PREPL: variants seen among roughly 807,000 people sequenced by gnomAD.
PREPL encodes the protein prolyl endopeptidase-like.
In PREPL, 77 loss-of-function variants were observed where a neutral mutation model predicts 70.6. The observed-to-expected ratio is 1.09, with a 90% confidence interval of 0.91 to 1.32. PREPL has a LOEUF of 1.32. Ranked by LOEUF, PREPL falls within the 40% of genes most tolerant of loss-of-function variation. The pLI is 0.00. For missense variants in PREPL, 1,002 were observed against 778.2 expected (o/e 1.29, Z -3.42); for synonymous variants, 315 against 264.8 (o/e 1.19, Z -1.84).
intron 2 of PREPL, among the ~76,000 whole-genome samples, 199 bp downstream of exon 2, chr2:44,346,069 C>T (rs1025955234): frequency 6.6e-6 from 1 of 152,026 alleles, no homozygotes; most frequent in Non-Finnish European, 1.5e-5. Flanking sequence ...TCGATCTTTA[C>T]ATTTATTAAA....
At position 44,343,825 on chromosome 2, in the gene PREPL, G is replaced by A; in HGVS notation, c.269C>T (p.Ser90Phe). ...TATAATTACACAGGTAGATGCTTCA[G>A]AATCTTCAGTTCTTATCTTGGCAGC... ...YVAAKIRTEDSEASTCVIIKL... is the reference protein window; with the variant it reads ...YVAAKIRTEDFEASTCVIIKL... Residue 90 changes from serine to phenylalanine, a missense_variant, in exon 4 of 14, where the codon TCT becomes TTT. Transcript: ENST00000409411. 1 of 1,613,922 alleles carries A rather than the reference G, an allele frequency of 6.2e-7. No homozygotes were observed. The highest frequency in any genetic ancestry group is 8.5e-7 in the Non-Finnish European group (1 of 1,179,856).
rs1479604273 is a variant in PREPL at position 44,321,268 on chromosome 2, GTTA to G, written c.*85_*87del. 2.1e-5 allele frequency: 24 copies of G among 1,146,288 alleles called. No individual in the cohort carries two copies. In the South Asian group the frequency reaches 3.1e-4, roughly 15 times the overall value. 71.0% of individuals were successfully genotyped at this position (1,146,288 alleles called of 1,614,324 possible). On this transcript the variant is annotated 3_prime_UTR_variant, in exon 14 of 14. Transcript: ENST00000409411. ...AAAATTAATAACTTAAAAGTCTCAA[GTTA>G]TTAATTTTTTTTTTGCTAACTCAAT... is the stretch of plus-strand genomic sequence containing the variant.
rs17498312 is a variant in PREPL at position 44,344,710 on chromosome 2, G to A, written c.76-124C>T. On this transcript the variant is annotated intron_variant, in intron 2 of 13. Transcript: ENST00000409411. ...AACAGACCTGTTGAAGTATATGAATGAACACATATGAAATATAAAATTGAC... is the reference window on the plus strand; with the variant it reads ...AACAGACCTGTTGAAGTATATGAATAAACACATATGAAATATAAAATTGAC... 36,040 of 598,436 alleles carry A rather than the reference G, an allele frequency of 0.06. 1,312 individuals are homozygous for A. Among genetic ancestry groups the A allele is most frequent in the South Asian group, 0.13 (3,952 of 30,084 alleles). 37.1% of individuals were successfully genotyped at this position (598,436 alleles called of 1,614,324 possible).
rs749240482 is a variant in PREPL, at chr2:44,338,448, T to C, written c.791A>G (p.Asp264Gly). The C allele has an allele frequency of 8.1e-6, 13 of 1,613,018 alleles. No homozygotes were observed. The South Asian group carries it at 1.4e-4, about 18-fold the overall frequency. Residue 264 changes from aspartate to glycine, a missense_variant, in exon 7 of 14, where the codon GAC becomes GGC. Coordinates refer to ENST00000409411, the MANE Select transcript of PREPL (RefSeq NM_001171613.2). The stretch of plus-strand genomic sequence containing the variant: ...TAGAACACAGTGATCCTTAAACATG[T>C]CCAAGTCTATCACTTTTGTATTTCT... ...MKRNTKVIDLDMFKDHCVLFL... is the reference protein window; with the variant it reads ...MKRNTKVIDLGMFKDHCVLFL...
chr2:44,322,235 T>C (rs764600420), intron 12 of PREPL, among the ~76,000 whole-genome samples: 3 of 151,870 alleles, frequency 2.0e-5, no homozygotes, highest in Non-Finnish European at 4.4e-5. Flanking sequence ...GGGTGACAAA[T>C]GGAGATGAAT....
In PREPL at chr2:44,319,506, T is replaced by C. The variant is rs1328351294; in HGVS notation, c.*1850A>G. ...TGTCATTAAAAACATTTATGGAGGC[T>C]ATATTATATAGTCAATAACAGAAAA... is the stretch of plus-strand genomic sequence containing the variant. On this transcript the variant is annotated 3_prime_UTR_variant, in exon 14 of 14. Transcript: ENST00000409411. 1 of 152,244 alleles carries C rather than the reference T, an allele frequency of 6.6e-6. No homozygotes were observed. Among genetic ancestry groups the C allele is most frequent in the African/African-American group, 2.4e-5 (1 of 41,440 alleles). 9.4% of individuals were successfully genotyped at this position (152,244 alleles called of 1,614,324 possible).
chr2:44,355,608 G>C (rs1261372760), intron 1 of PREPL, among the ~76,000 whole-genome samples: 1 of 152,060 alleles, frequency 6.6e-6, no homozygotes, highest in Non-Finnish European at 1.5e-5. Context: ...TACTGACAAG[G>C]CTTCCTACTT....
intron 1 of PREPL, among the ~76,000 whole-genome samples, chr2:44,357,850 G>A (rs1194649927): frequency 1.3e-5 from 2 of 152,074 alleles, no homozygotes; most frequent in Non-Finnish European, 2.9e-5. Flanking sequence ...AAGTAGGAAA[G>A]ATGTACAAAA....
At chr2:44,350,204 A>G (rs896730645) in intron 1 of PREPL, among the ~76,000 whole-genome samples, 8 of 152,222 alleles carry the variant, frequency 5.3e-5, no homozygotes, top group African/African-American at 1.9e-4. Flanking sequence ...AATTTTAAAA[A>G]GCACAAAATA....
In PREPL at chr2:44,344,541, C is replaced by A; in HGVS notation, c.121G>T (p.Val41Phe). 6.2e-7 allele frequency: 1 copy of A among 1,601,442 alleles called. No individual in the cohort carries two copies. Among genetic ancestry groups the A allele is most frequent in the Non-Finnish European group, 8.5e-7 (1 of 1,174,424 alleles). The change falls in exon 3 of 14, where the codon GTT (valine) becomes TTT (phenylalanine). Residue 41 changes from valine to phenylalanine, a missense_variant. Val to Phe is a conservative substitution (Grantham distance 50). Transcript: ENST00000409411. ...GTACCTTCTTCATCTTTGGAACGAA[C>A]CAAGCAACAACCTTCTTGGTAATAA... Reference protein sequence around the residue: ...FVYYQEGCCLVRSKDEEADND... With the variant: ...FVYYQEGCCLFRSKDEEADND...
intron 10 of PREPL, among the ~76,000 whole-genome samples, chr2:44,324,243 C>T (rs1023477205): frequency 1.3e-5 from 2 of 152,108 alleles, no homozygotes; most frequent in African/African-American, 4.8e-5. Flanking sequence ...GAGACAGAGG[C>T]TGTGGGAAGA....
chr2:44,324,349 T>C (rs149533165), intron 10 of PREPL, among the ~76,000 whole-genome samples: 63 of 152,278 alleles, frequency 4.1e-4, no homozygotes, highest in African/African-American at 1.4e-3. Flanking sequence ...ATGAGTGCAC[T>C]TACCACTACT....
Position 44,346,409 on chromosome 2 carries a change from T to C in PREPL, c.-48-19A>G. On this transcript the variant is annotated intron_variant, in intron 1 of 13. Transcript: ENST00000409411. ...GAAGATCCTGGAAAAAGTTTTGTTATGATCAAAATATTTCAAACTAGGGAA... is the reference window on the plus strand; with the variant it reads ...GAAGATCCTGGAAAAAGTTTTGTTACGATCAAAATATTTCAAACTAGGGAA... 2 of 1,607,378 alleles carry C rather than the reference T, an allele frequency of 1.2e-6. No homozygotes were observed. The highest frequency in any genetic ancestry group is 8.5e-7 in the Non-Finnish European group (1 of 1,177,954).
chr2:44,323,887 C>A (rs1014574349), intron 10 of PREPL, among the ~76,000 whole-genome samples: 1 of 152,056 alleles, frequency 6.6e-6, no homozygotes, highest in African/African-American at 2.4e-5. Context: ...AAGAGTTAAG[C>A]TTAAGATTAC....
intron 1 of PREPL, among the ~76,000 whole-genome samples, chr2:44,355,209 A>G (rs1572575442): frequency 1.3e-5 from 2 of 152,298 alleles, no homozygotes; most frequent in Non-Finnish European, 2.9e-5. Context: ...GAGATGAGGA[A>G]TTATCACTCA....
Position 44,350,770 on chromosome 2 carries a change from T to C in PREPL, c.-48-4380A>G, listed in dbSNP as rs560783591. Among the ~76,000 whole-genome samples, 319 of 152,314 alleles carry C rather than the reference T, an allele frequency of 2.1e-3. 1 individual carries two copies. The highest frequency in any genetic ancestry group is 3.4e-3 in the Middle Eastern group (1 of 294). ...CAAGGTCACTCAATGGCTACCACAT[T>C]GCAAAGTGCAAAAGTTAATGTTCAG... On this transcript the variant is annotated intron_variant, in intron 1 of 13. Transcript: ENST00000409411.
intron 1 of PREPL, among the ~76,000 whole-genome samples, chr2:44,359,019 C>A (rs1478237836): frequency 1.3e-5 from 2 of 151,300 alleles, no homozygotes; most frequent in African/African-American, 4.9e-5. Context: ...TTTTTATAAA[C>A]CTACATTTTT....
In PREPL at chr2:44,320,600, C is replaced by A; in HGVS notation, c.*756G>T. On this transcript the variant is annotated 3_prime_UTR_variant, in exon 14 of 14. Coordinates refer to ENST00000409411, the MANE Select transcript of PREPL (RefSeq NM_001171613.2). ...GATGCTTTGTTTCCAATCGAGCATG[C>A]TATTCCAGTGTACTGAACATACTGT... is the stretch of plus-strand genomic sequence containing the variant. 3.7e-6 allele frequency: 6 copies of A among 1,613,932 alleles called. No homozygotes were observed. Among genetic ancestry groups the A allele is most frequent in the Non-Finnish European group, 5.1e-6 (6 of 1,179,890 alleles).
intron 1 of PREPL, among the ~76,000 whole-genome samples, chr2:44,357,084 G>A (rs1482477335): frequency 6.6e-6 from 1 of 152,212 alleles, no homozygotes; most frequent in Non-Finnish European, 1.5e-5. Context: ...GGGATTACTG[G>A]CGTGAGCCAG....
Sources: allele counts gnomAD v4.1 joint callset (sites outside exome capture counted in the v4.1 genomes callset), GRCh38; gene constraint gnomAD v4.1.1; transcripts MANE v1.5; gene names NCBI Gene and HGNC (gene_info 2026-07-23, HGNC 2026-07-21).